Variants in MAGI3 observed in about 807,000 individuals in gnomAD.
The protein encoded by MAGI3 is membrane-associated guanylate kinase, WW and PDZ domain-containing protein 3.
A neutral mutation model predicts 121.8 loss-of-function variants in MAGI3; 43 were observed. The observed-to-expected ratio is 0.35, with a 90% CI of 0.28 to 0.46. The LOEUF (loss-of-function observed/expected upper bound fraction) is 0.46. MAGI3 is among the 20% of genes least tolerant of loss of function. MAGI3 has a pLI of 1.00. For synonymous variants in MAGI3, 553 were observed against 639.3 expected, an observed-to-expected ratio of 0.86 and a Z score of 2.04; for missense variants, 1,547 against 1,797.3, an observed-to-expected ratio of 0.86 and a Z score of 2.52.
chr1:113,618,474 G>A (rs1421194338), intron 7 of MAGI3: 7 of 437,528 alleles, frequency 1.6e-5, no homozygotes, highest in South Asian at 9.9e-5. Context: ...GTATTTAATT[G>A]TTGGTGTTCA....
chr1:113,399,126 C>CT (rs5777157), intron 1 of MAGI3, among the ~76,000 whole-genome samples: 23,204 of 152,016 alleles, frequency 0.15, 2,813 homozygotes, highest in East Asian at 0.63. Context: ...TTTTTCTCAG[C>CT]TAGACTGTCA....
chr1:113,398,292 A>G (rs1369412554), intron 1 of MAGI3, among the ~76,000 whole-genome samples: 1 of 152,230 alleles, frequency 6.6e-6, no homozygotes, highest in Non-Finnish European at 1.5e-5. Flanking sequence ...TGTATGGGTT[A>G]TGAAGGGTTA....
At chr1:113,621,677 C>T (rs1194453976) in intron 8 of MAGI3, among the ~76,000 whole-genome samples, 2 of 151,604 alleles carry the variant, frequency 1.3e-5, no homozygotes, top group Admixed American at 6.6e-5. Flanking sequence ...TGTTGTTTAT[C>T]CATACAGTGC....
intron 9 of MAGI3, among the ~76,000 whole-genome samples, chr1:113,626,482 G>A (rs532158298): frequency 6.6e-6 from 1 of 152,230 alleles, no homozygotes; most frequent in African/African-American, 2.4e-5. Flanking sequence ...CACAGAATGA[G>A]TTTGGAATTA....
intron 1 of MAGI3, among the ~76,000 whole-genome samples, chr1:113,542,924 A>T (rs1659356688): frequency 6.6e-6 from 1 of 152,212 alleles, no homozygotes; most frequent in African/African-American, 2.4e-5. Context: ...ACCTTGGCCA[A>T]GTTACTTGAC....
At chr1:113,503,309 GAAAAA>G (rs59331456) in intron 1 of MAGI3, among the ~76,000 whole-genome samples, 3 of 36,130 alleles carry the variant, frequency 8.3e-5, no homozygotes, top group African/African-American at 1.1e-4. Context: ...CCTGTCTCAG[GAAAAA>G]AAAAAAAAAA....
At chr1:113,671,966 T>TG in intron 17 of MAGI3, 130 bp downstream of exon 17, 1 of 785,892 alleles carries the variant, frequency 1.3e-6, no homozygotes, top group African/African-American at 1.7e-5. Context: ...GAGGTCAAAA[T>TG]GACAACTCTT....
rs763133929 is a variant in MAGI3 at position 113,683,331 on chromosome 1, T to G, written c.3763T>G (p.Ser1255Ala). The change falls in exon 21 of 21, where the codon TCC (serine) becomes GCC (alanine). Residue 1255 changes from serine to alanine, a missense_variant. Physicochemically the swap from Ser to Ala is moderately conservative, Grantham distance 99. Transcript: ENST00000307546. ...CCCCAAAAGAAGACCCAGAGATCAA[T>G]CCCTCAGCCCCAGCAAAGGGGAAAA... ...NNPKRRPRDQ[S>A]LSPSKGENKS... 1 of 1,613,636 alleles carries G rather than the reference T, an allele frequency of 6.2e-7. No homozygotes were observed. The highest frequency in any genetic ancestry group is 1.1e-5 in the South Asian group (1 of 91,060).
At chr1:113,545,295 T>C (rs34079561) in intron 1 of MAGI3, among the ~76,000 whole-genome samples, 9,483 of 152,248 alleles carry the variant, frequency 0.062, 369 homozygotes, top group Non-Finnish European at 0.091. Flanking sequence ...TCAATATGAA[T>C]TTATAAGAAT....
At chr1:113,668,860 G>A (rs1229323200) in intron 16 of MAGI3, among the ~76,000 whole-genome samples, 2 of 152,096 alleles carry the variant, frequency 1.3e-5, no homozygotes, top group Admixed American at 1.3e-4. Context: ...GGGATTACAG[G>A]CGTGAGCCAC....
chr1:113,412,073 C>A (rs537563422), intron 1 of MAGI3, among the ~76,000 whole-genome samples: 7 of 133,712 alleles, frequency 5.2e-5, no homozygotes, highest in Admixed American at 8.5e-5. Flanking sequence ...CGCCCTGTAT[C>A]CAAGTGATCT....
At chr1:113,541,066 AAAT>A (rs149352270) in intron 1 of MAGI3, among the ~76,000 whole-genome samples, 10,195 of 152,286 alleles carry the variant, frequency 0.067, 369 homozygotes, top group Non-Finnish European at 0.074. Flanking sequence ...ATGCATTAAA[AAAT>A]AATAAAGGAA....
At chr1:113,564,835 A>T (rs1660377982) in intron 2 of MAGI3, among the ~76,000 whole-genome samples, 1 of 152,038 alleles carries the variant, frequency 6.6e-6, no homozygotes, top group Admixed American at 6.6e-5. Flanking sequence ...TTATTTATTT[A>T]TTTATTTATT....
In MAGI3 at chr1:113,659,157, A is replaced by C. The variant is rs776451543; in HGVS notation, c.2707A>C (p.Ile903Leu). Residue 903 changes from isoleucine (I) to leucine (L), a missense_variant, in exon 16 of 21, where the codon ATC (isoleucine) becomes CTC (leucine). Ile to Leu is a conservative substitution (Grantham distance 5). Transcript: ENST00000307546. ...RCGKLKVGDHISAVNGQSIVE... is the reference protein window; with the variant it reads ...RCGKLKVGDHLSAVNGQSIVE... The stretch of plus-strand genomic sequence containing the variant: ...TGGAAAACTGAAAGTTGGAGATCAT[A>C]TCTCTGCAGTGAATGGGCAGTCCAT... The C allele has an allele frequency of 6.2e-7, 1 of 1,614,150 alleles. No homozygotes were observed.
chr1:113,675,982 T>C (rs1647841522), intron 19 of MAGI3, among the ~76,000 whole-genome samples: 1 of 151,738 alleles, frequency 6.6e-6, no homozygotes, highest in South Asian at 2.1e-4. Context: ...GAGGATGGCA[T>C]ATTTATTCCT....
intron 7 of MAGI3, among the ~76,000 whole-genome samples, chr1:113,617,564 T>C (rs910429270): frequency 1.3e-5 from 2 of 152,200 alleles, no homozygotes; most frequent in Non-Finnish European, 2.9e-5. Context: ...GGAAAAGGAT[T>C]ACTCATTTGC....
chr1:113,414,841 A>G (rs1308958739), intron 1 of MAGI3, among the ~76,000 whole-genome samples: 1 of 152,086 alleles, frequency 6.6e-6, no homozygotes, highest in Non-Finnish European at 1.5e-5. Flanking sequence ...ATTTATTTCA[A>G]TCCAAGCTAA....
intron 7 of MAGI3, among the ~76,000 whole-genome samples, chr1:113,617,410 G>T (rs986055312): frequency 1.3e-5 from 2 of 152,086 alleles, no homozygotes; most frequent in Non-Finnish European, 2.9e-5. Context: ...AATAGTGTAG[G>T]TATAAGTAAT....
At chr1:113,420,701 C>T (rs991583498) in intron 1 of MAGI3, among the ~76,000 whole-genome samples, 1 of 152,162 alleles carries the variant, frequency 6.6e-6, no homozygotes, top group Non-Finnish European at 1.5e-5. Context: ...AGGAACATAG[C>T]GTCCGTTCAT....
Sources: gnomAD v4.1 joint callset for allele counts (sites outside exome capture counted in the v4.1 genomes callset) on GRCh38, gnomAD v4.1.1 for gene constraint, MANE v1.5 for transcripts, NCBI Gene and HGNC (gene_info 2026-07-23, HGNC 2026-07-21) for gene names.